Variants in GTF3C1 observed in about 807,000 individuals in gnomAD.
GTF3C1 encodes general transcription factor 3C polypeptide 1.
GTF3C1 carries 57 observed loss-of-function variants against 226.7 expected under a neutral mutation model. That is an observed-to-expected ratio of 0.25 (90% confidence interval 0.20 to 0.31). The LOEUF (loss-of-function observed/expected upper bound fraction) is 0.31, where lower values mean the gene tolerates loss of function less well. Ranked by LOEUF, GTF3C1 falls within the 10% of genes least tolerant of loss-of-function variation. The pLI, the probability that GTF3C1 is intolerant of heterozygous loss-of-function variation, is 1.00. For missense variants in GTF3C1, 2,217 were observed against 2,776.1 expected (o/e 0.80, Z 4.53); for synonymous variants, 1,090 against 1,084.8 (o/e 1.00, Z -0.09).
intron 1 of GTF3C1, 39 bp downstream of exon 1, chr16:27,549,631 G>GCCCCCCCC: frequency 5.8e-6 from 4 of 691,948 alleles, no homozygotes; most frequent in South Asian, 1.7e-5. Flanking sequence ...CGGGCCCTGC[G>GCCCCCCCC]CCCGCCCGCC....
At position 27,538,971 on chromosome 16, in the gene GTF3C1, TACACACAC is replaced by T. The variant is rs59679436; in HGVS notation, c.432-623_432-616del. ...AGAAATGACTATATATACACACATA[TACACACAC>T]ACACACACACACACACACACTCATC... On this transcript the variant is annotated intron_variant, in intron 2 of 36. Coordinates refer to ENST00000356183, the MANE Select transcript of GTF3C1 (RefSeq NM_001520.4). 6.5e-3 allele frequency among the ~76,000 whole-genome samples: 815 copies of T among 124,618 alleles called. 12 individuals carry two copies. Among genetic ancestry groups the T allele is most frequent in the African/African-American group, 0.025 (774 of 31,162 alleles). The allele number at this position is 124,618 out of a possible 152,430, so 81.8% of individuals were successfully genotyped here.
At chr16:27,467,384 G>GAATATTT (rs1369451753) in intron 32 of GTF3C1, among the ~76,000 whole-genome samples, 8 of 152,220 alleles carry the variant, frequency 5.3e-5, no homozygotes, top group Non-Finnish European at 1.2e-4. Context: ...TAAGCCCACT[G>GAATATTT]TAGAGACCTA....
chr16:27,542,645 G>T (rs2141461874), intron 2 of GTF3C1, among the ~76,000 whole-genome samples: 1 of 152,242 alleles, frequency 6.6e-6, no homozygotes, highest in South Asian at 2.1e-4. Flanking sequence ...GGGTAGTGGG[G>T]GATGGATCCC....
intron 15 of GTF3C1, 27 bp from the exon 16 acceptor site, chr16:27,494,935 C>T (rs774204126): frequency 1.5e-5 from 24 of 1,605,062 alleles, no homozygotes; most frequent in African/African-American, 1.1e-4. Flanking sequence ...CGGTTACCCC[C>T]GGCAGCCAGG....
intron 20 of GTF3C1, 106 bp downstream of exon 20, chr16:27,489,496 A>G: frequency 2.4e-6 from 2 of 844,356 alleles, no homozygotes; most frequent in Non-Finnish European, 3.7e-6. Flanking sequence ...CCGGAGACAC[A>G]GGCCGTCTGG....
chr16:27,521,255 C>T (rs2088743758), intron 6 of GTF3C1, among the ~76,000 whole-genome samples: 1 of 152,256 alleles, frequency 6.6e-6, no homozygotes, highest in Non-Finnish European at 1.5e-5. Context: ...TTGCCTTCGA[C>T]TCTTCCTAGC....
At chr16:27,540,788 G>GT (rs1224511416) in intron 2 of GTF3C1, among the ~76,000 whole-genome samples, 36 of 152,244 alleles carry the variant, frequency 2.4e-4, no homozygotes, top group Admixed American at 4.6e-4. Context: ...AAATATGTGT[G>GT]TATAAACAAG....
intron 5 of GTF3C1, among the ~76,000 whole-genome samples, chr16:27,532,848 A>G (rs529963857): frequency 2.1e-3 from 317 of 152,212 alleles, no homozygotes; most frequent in Non-Finnish European, 4.1e-3. Flanking sequence ...TATTCTAAAA[A>G]AACAGCTGGG....
chr16:27,549,200 G>C (rs555645137), intron 1 of GTF3C1, among the ~76,000 whole-genome samples: 1 of 152,078 alleles, frequency 6.6e-6, no homozygotes, highest in Non-Finnish European at 1.5e-5. Flanking sequence ...TGAAGTCCCT[G>C]ATAAATGTCA....
intron 24 of GTF3C1, among the ~76,000 whole-genome samples, chr16:27,484,702 G>A (rs78369702): frequency 0.011 from 1,724 of 152,358 alleles, 46 homozygotes; most frequent in African/African-American, 0.039. Flanking sequence ...AGAGGTCTTA[G>A]TGTCCTAATT....
Position 27,515,072 on chromosome 16 carries a change from CG to C in GTF3C1, c.974-3172del, listed in dbSNP as rs375583842. Among the ~76,000 whole-genome samples the C allele has an allele frequency of 3.2e-4, 48 of 152,176 alleles. 1 individual carries two copies. The highest frequency in any genetic ancestry group is 8.7e-4 in the African/African-American group (36 of 41,516). ...CACAGGACAGCTCTCAAAATAAACA[CG>C]GGTGGAAGGCAAGAAACGGTACTAG... On this transcript the variant is annotated intron_variant, in intron 6 of 36. Transcript: ENST00000356183.
chr16:27,473,464 A>G (rs553505936), intron 29 of GTF3C1, among the ~76,000 whole-genome samples: 27 of 152,336 alleles, frequency 1.8e-4, no homozygotes, highest in African/African-American at 5.8e-4. Context: ...TCTCCTCAAA[A>G]GCACTGGCCA....
intron 29 of GTF3C1, among the ~76,000 whole-genome samples, chr16:27,475,724 C>T (rs2087941729): frequency 1.3e-5 from 2 of 152,166 alleles, no homozygotes; most frequent in African/African-American, 2.4e-5. Flanking sequence ...GTAGAGCGGC[C>T]GCGTGGACCT....
chr16:27,538,410 AC>A, intron 2 of GTF3C1, 54 bp from the exon 3 acceptor site: 1 of 1,095,124 alleles, frequency 9.1e-7, no homozygotes, highest in Non-Finnish European at 1.3e-6. Context: ...TTTTAGGAAA[AC>A]TGAGATAAGA....
intron 11 of GTF3C1, 36 bp from the exon 12 acceptor site, chr16:27,501,380 T>C (rs1288577273): frequency 6.2e-7 from 1 of 1,602,202 alleles, no homozygotes. Context: ...ACACTCCCAA[T>C]CTCAACATGG....
In GTF3C1 at chr16:27,533,325, T is replaced by G. The variant is rs752804543; in HGVS notation, c.815A>C (p.His272Pro). 6.2e-7 allele frequency: 1 copy of G among 1,606,732 alleles called. No individual in the cohort carries two copies. The highest frequency in any genetic ancestry group is 8.5e-7 in the Non-Finnish European group (1 of 1,173,426). Reference sequence around the variant, plus strand: ...CCTCAGCTTTCCCAGCGTCTCTATGTGGTTAGTCCGTGTGCTCAGCATGAC... The same window carrying G: ...CCTCAGCTTTCCCAGCGTCTCTATGGGGTTAGTCCGTGTGCTCAGCATGAC... The part of the protein sequence containing the change: ...LSVMLSTRTN[H>P]IETLGKLREE... Residue 272 changes from histidine (H) to proline (P), a missense_variant, in exon 5 of 37, where the codon CAC becomes CCC. Transcript: ENST00000356183.
At chr16:27,502,093 CAA>C (rs566128806) in intron 11 of GTF3C1, among the ~76,000 whole-genome samples, 3 of 124,486 alleles carry the variant, frequency 2.4e-5, no homozygotes, top group Non-Finnish European at 3.5e-5. Context: ...GACTCCATCT[CAA>C]AAAAAAAAAA....
In GTF3C1 at chr16:27,549,843, G is replaced by T; in HGVS notation, c.48C>A (p.Leu16=). ...ACAGCGCTGGCAGACACAGGCCATC[G>T]AGCCCCTCCAGAGCGACTTCGTCCA... ...SLLDEVALEG[L]DGLCLPALWS... The change falls in exon 1 of 37, where the codon CTC becomes CTA. Residue 16 remains leucine, a synonymous_variant. Transcript: ENST00000356183. 6.2e-7 allele frequency: 1 copy of T among 1,613,076 alleles called. No homozygotes were observed. Among genetic ancestry groups the T allele is most frequent in the Non-Finnish European group, 8.5e-7 (1 of 1,179,852 alleles).
At chr16:27,518,900 A>G (rs566552760) in intron 6 of GTF3C1, among the ~76,000 whole-genome samples, 1 of 152,206 alleles carries the variant, frequency 6.6e-6, no homozygotes, top group Non-Finnish European at 1.5e-5. Flanking sequence ...TAAATTAATG[A>G]ATGCATTCAA....
Sources: allele counts gnomAD v4.1 joint callset (sites outside exome capture counted in the v4.1 genomes callset), GRCh38; gene constraint gnomAD v4.1.1; transcripts MANE v1.5; gene names NCBI Gene and HGNC (gene_info 2026-07-23, HGNC 2026-07-21).